Variants in RITA1 observed in about 807,000 individuals in gnomAD.
The protein encoded by RITA1 is RBPJ-interacting and tubulin-associated protein 1.
Under a neutral mutation model 8.7 loss-of-function variants are expected in RITA1, and 15 were observed. That is an observed-to-expected ratio of 1.72 (90% CI 1.15 to 2.65). RITA1 has a LOEUF of 2.65. RITA1 is among the 30% of genes most tolerant of loss of function. RITA1 has a pLI of 0.00. For missense variants in RITA1, 330 were observed against 363.8 expected (o/e 0.91, Z 0.76); for synonymous variants, 145 against 156.2 (o/e 0.93, Z 0.53).
intron 3 of RITA1, among the ~76,000 whole-genome samples, chr12:113,187,713 C>T (rs550414294): frequency 6.9e-5 from 10 of 143,996 alleles, no homozygotes; most frequent in African/African-American, 2.3e-4. Flanking sequence ...GCTGAGATCA[C>T]GCCTCTGCAC....
In RITA1 at chr12:113,186,147, A is replaced by T; in HGVS notation, c.-196-38A>T. ...TCCCGATAGCAGTGTAGCCAAGTAC[A>T]CAAGCTCTGGACTCAGATTTCACTT... On this transcript the variant is annotated intron_variant, in intron 1 of 3. Coordinates refer to ENST00000548278, the MANE Select transcript of RITA1 (RefSeq NM_032848.3). The T allele has an allele frequency of 4.2e-6, 6 of 1,438,994 alleles. No individual in the cohort carries two copies. In the South Asian group the frequency reaches 7.4e-5, roughly 18 times the overall value. 89.1% of individuals were successfully genotyped at this position (1,438,994 alleles called of 1,614,324 possible).
chr12:113,186,270 G>T lies in RITA1; in HGVS notation c.-111G>T, dbSNP rs1952535306. On this transcript the variant is annotated 5_prime_UTR_variant, in exon 2 of 4. Transcript: ENST00000548278. ...AAATTCGAAGCTACTTCACAGTGCT[G>T]TTGAGAGGATTAAATGAAACAATGC... 1.4e-6 allele frequency: 2 copies of T among 1,405,040 alleles called. No homozygotes were observed. Among genetic ancestry groups the T allele is most frequent in the South Asian group, 1.5e-5 (1 of 65,352 alleles). 87.0% of individuals were successfully genotyped at this position (1,405,040 alleles called of 1,614,324 possible).
Position 113,185,731 on chromosome 12 carries a change from G to GCT in RITA1, c.-486_-485dup. On this transcript the variant is annotated 5_prime_UTR_variant, in exon 1 of 4. Transcript: ENST00000548278. ...CCGGGCCGCGTCCGCAGTGCTGCTG[G>GCT]CTGCTCCCTGGTTGCTGGGTGCAAA... 1.7e-6 allele frequency: 1 copy of GCT among 574,524 alleles called. No individual in the cohort carries two copies. The highest frequency in any genetic ancestry group is 3.0e-6 in the Non-Finnish European group (1 of 331,718). The allele number at this position is 574,524 out of a possible 1,614,324, so 35.6% of individuals were successfully genotyped here.
rs1952543457 is a variant in RITA1, at chr12:113,186,843, T to C, written c.97T>C (p.Tyr33His). ...CTACCGGGTCAAGGCCAGGACGTCA[T>C]ATGTGGATGAGACTCTGTTTGGCAG... The part of the protein sequence containing the change: ...GGYRVKARTS[Y>H]VDETLFGSPA... The change falls in exon 3 of 4, where the codon TAT becomes CAT. Residue 33 changes from tyrosine to histidine, a missense_variant. Physicochemically the swap from Tyr to His is moderately conservative, Grantham distance 83 (BLOSUM62 2). Transcript: ENST00000548278. The C allele has an allele frequency of 1.9e-6, 3 of 1,613,892 alleles. No individual in the cohort carries two copies. Among genetic ancestry groups the C allele is most frequent in the African/African-American group, 2.7e-5 (2 of 74,916 alleles).
intron 3 of RITA1, among the ~76,000 whole-genome samples, chr12:113,190,365 A>T (rs1952587905): frequency 6.6e-6 from 1 of 151,878 alleles, no homozygotes; most frequent in Non-Finnish European, 1.5e-5. Context: ...AAGAAAAGAA[A>T]ATGGGCACGG....
chr12:113,186,034 C>A lies in RITA1; in HGVS notation c.-197+13C>A, dbSNP rs1490782446. 3 of 1,536,004 alleles carry A rather than the reference C, an allele frequency of 2.0e-6. No individual in the cohort carries two copies. Among genetic ancestry groups the A allele is most frequent in the Non-Finnish European group, 2.6e-6 (3 of 1,146,838 alleles). On this transcript the variant is annotated intron_variant, in intron 1 of 3. Transcript: ENST00000548278. ...CCAAGATGCTCAGGTAGGAGAACAA[C>A]CCAAAAATGCAGGGACCTCGGGCAC...
chr12:113,191,602 T>C lies in RITA1; in HGVS notation c.595T>C (p.Ser199Pro), dbSNP rs76765925. 7.4e-6 allele frequency: 12 copies of C among 1,614,078 alleles called. No homozygotes were observed. The highest frequency in any genetic ancestry group is 2.2e-5 in the East Asian group (1 of 44,874). ...TTCACGCCCCCTGAAGCGGGGACTT[T>C]CCCATTCCCTCACCCACCTGAATGT... ...HSSRPLKRGL[S>P]HSLTHLNVPS... Residue 199 changes from serine to proline, a missense_variant, in exon 4 of 4, where the codon TCC becomes CCC. Physicochemically the swap from Ser to Pro is moderately conservative, Grantham distance 74 (BLOSUM62 -1). Coordinates refer to ENST00000548278, the MANE Select transcript of RITA1 (RefSeq NM_032848.3). The surrounding 1 kb of genome is among the most constrained non-coding windows in gnomAD (Gnocchi z 4.0).
rs1358295713 is a variant in RITA1, at chr12:113,191,583, C to T, written c.576C>T (p.Arg192=). ...CTATGGGTGGGTTACACTCTTCACG[C>T]CCCCTGAAGCGGGGACTTTCCCATT... The part of the protein sequence containing the change: ...KLSMGGLHSS[R]PLKRGLSHSL... Residue 192 remains arginine, a synonymous_variant, in exon 4 of 4, where the codon CGC becomes CGT. Transcript: ENST00000548278. This position sits in a 1 kb window ranked among gnomAD's most constrained non-coding sequence, Gnocchi z 4.0. 1.2e-6 allele frequency: 2 copies of T among 1,614,112 alleles called. No homozygotes were observed. The highest frequency in any genetic ancestry group is 8.5e-7 in the Non-Finnish European group (1 of 1,180,002).
chr12:113,187,902 A>G (rs1952556030), intron 3 of RITA1, among the ~76,000 whole-genome samples: 1 of 152,250 alleles, frequency 6.6e-6, no homozygotes, highest in Non-Finnish European at 1.5e-5. Context: ...GATTAATATC[A>G]GCCTGGAGGG....
chr12:113,191,209 C>G lies in RITA1; in HGVS notation c.303-101C>G, dbSNP rs1952596647. 7.0e-7 allele frequency: 1 copy of G among 1,430,442 alleles called. No individual in the cohort carries two copies. 88.6% of individuals were successfully genotyped at this position (1,430,442 alleles called of 1,614,324 possible). A position where few individuals can be genotyped will look rare whatever the true frequency, so the allele number is the denominator to read the frequency against. On this transcript the variant is annotated intron_variant, in intron 3 of 3. Coordinates refer to ENST00000548278, the MANE Select transcript of RITA1 (RefSeq NM_032848.3). The surrounding 1 kb of genome is among the most constrained non-coding windows in gnomAD (Gnocchi z 4.0). ...AAGGACTCCTGGGATCTGCAGGCAA[C>G]CCTCCTCTGCTGCTGCCATCCCAGG...
chr12:113,186,003 T>C lies in RITA1; in HGVS notation c.-215T>C, dbSNP rs752575020. ...ACGGGTCCCTGAGGATCCCGATGCC[T>C]ACGAGCCAAGATGCTCAGGTAGGAG... On this transcript the variant is annotated 5_prime_UTR_variant, in exon 1 of 4. Coordinates refer to ENST00000548278, the MANE Select transcript of RITA1 (RefSeq NM_032848.3). The C allele has an allele frequency of 6.5e-7, 1 of 1,535,926 alleles. No homozygotes were observed. Among genetic ancestry groups the C allele is most frequent in the South Asian group, 1.2e-5 (1 of 84,058 alleles).
In RITA1 at chr12:113,191,337, T is replaced by C; in HGVS notation, c.330T>C (p.Cys110=). Residue 110 remains cysteine (C), a synonymous_variant, in exon 4 of 4, where the codon TGT becomes TGC. Coordinates refer to ENST00000548278, the MANE Select transcript of RITA1 (RefSeq NM_032848.3). The surrounding 1 kb of genome is among the most constrained non-coding windows in gnomAD (Gnocchi z 4.0). ...CCATCAGCCACACCCCGTCTTACTGTGATGAGTCGCTGTTTGGCTCCCGAT... is the reference window on the plus strand; with the variant it reads ...CCATCAGCCACACCCCGTCTTACTGCGATGAGTCGCTGTTTGGCTCCCGAT... ...YRPISHTPSY[C]DESLFGSRSE... is the part of the protein sequence containing the mutation. 6.4e-7 allele frequency: 1 copy of C among 1,558,918 alleles called. No individual in the cohort carries two copies. The highest frequency in any genetic ancestry group is 8.7e-7 in the Non-Finnish European group (1 of 1,151,110).
rs1952616234 is a variant in RITA1, at chr12:113,192,093, C to T, written c.*276C>T. 1 of 411,248 alleles carries T rather than the reference C, an allele frequency of 2.4e-6. No homozygotes were observed. Among genetic ancestry groups the T allele is most frequent in the Admixed American group, 4.2e-5 (1 of 23,916 alleles). The allele number at this position is 411,248 out of a possible 1,614,324, so 25.5% of individuals were successfully genotyped here. Reference sequence around the variant, plus strand: ...TCCAAATTAGTGCCAACCCAGGGGCCTGGCACCTCCCACATCATCCATTGT... The same window carrying T: ...TCCAAATTAGTGCCAACCCAGGGGCTTGGCACCTCCCACATCATCCATTGT... On this transcript the variant is annotated 3_prime_UTR_variant, in exon 4 of 4. Coordinates refer to ENST00000548278, the MANE Select transcript of RITA1 (RefSeq NM_032848.3).
Position 113,186,222 on chromosome 12 carries a change from G to A in RITA1, c.-159G>A. 1 of 1,371,102 alleles carries A rather than the reference G, an allele frequency of 7.3e-7. No homozygotes were observed. Among genetic ancestry groups the A allele is most frequent in the Non-Finnish European group, 9.6e-7 (1 of 1,037,086 alleles). The allele number at this position is 1,371,102 out of a possible 1,614,324, so 84.9% of individuals were successfully genotyped here. ...GACCTACACATGTGACTTCACCTCAGTTTTGTGATCCGTAAAATGGACAAA... is the reference window on the plus strand; with the variant it reads ...GACCTACACATGTGACTTCACCTCAATTTTGTGATCCGTAAAATGGACAAA... On this transcript the variant is annotated 5_prime_UTR_variant, in exon 2 of 4. Coordinates refer to ENST00000548278, the MANE Select transcript of RITA1 (RefSeq NM_032848.3).
At position 113,191,885 on chromosome 12, in the gene RITA1, C is replaced by T; in HGVS notation, c.*68C>T. On this transcript the variant is annotated 3_prime_UTR_variant, in exon 4 of 4. Coordinates refer to ENST00000548278, the MANE Select transcript of RITA1 (RefSeq NM_032848.3). The surrounding 1 kb of genome is among the most constrained non-coding windows in gnomAD (Gnocchi z 4.0). Reference sequence around the variant, plus strand: ...ATGGCCCCTTGCCAGGGTAGGAGGACATTCATCACCCAGGGAACCCCAGGT... The same window carrying T: ...ATGGCCCCTTGCCAGGGTAGGAGGATATTCATCACCCAGGGAACCCCAGGT... 1.3e-6 allele frequency: 2 copies of T among 1,510,568 alleles called. No individual in the cohort carries two copies. The highest frequency in any genetic ancestry group is 1.8e-6 in the Non-Finnish European group (2 of 1,128,072). 93.6% of individuals were successfully genotyped at this position (1,510,568 alleles called of 1,614,324 possible).
chr12:113,186,855 ACT>A lies in RITA1; in HGVS notation c.112_113del (p.Leu38ValfsTer23), dbSNP rs780135156. The A allele has an allele frequency of 5.5e-5, 89 of 1,613,818 alleles. No individual in the cohort carries two copies. The East Asian group carries it at 1.3e-3, about 24-fold the overall frequency. On this transcript the variant is annotated frameshift_variant, in exon 3 of 4. Transcript: ENST00000548278. LOFTEE classifies it high-confidence loss of function. ...VKARTSYVDE[T>X]LFGSPAGTRP... ...GGCCAGGACGTCATATGTGGATGAG[ACT>A]CTGTTTGGCAGCCCAGCAGGCACCC...
In RITA1 at chr12:113,191,898, G is replaced by A; in HGVS notation, c.*81G>A. On this transcript the variant is annotated 3_prime_UTR_variant, in exon 4 of 4. Transcript: ENST00000548278. This position sits in a 1 kb window ranked among gnomAD's most constrained non-coding sequence, Gnocchi z 4.0. ...AGGGTAGGAGGACATTCATCACCCA[G>A]GGAACCCCAGGTATTAAAGAAGCCC... is the stretch of plus-strand genomic sequence containing the variant. 1 of 1,497,470 alleles carries A rather than the reference G, an allele frequency of 6.7e-7. No homozygotes were observed. Among genetic ancestry groups the A allele is most frequent in the Non-Finnish European group, 8.9e-7 (1 of 1,118,730 alleles). 92.8% of individuals were successfully genotyped at this position (1,497,470 alleles called of 1,614,324 possible).
chr12:113,191,482 G>A lies in RITA1; in HGVS notation c.475G>A (p.Ala159Thr). The A allele has an allele frequency of 6.2e-7, 1 of 1,604,616 alleles. No homozygotes were observed. Among genetic ancestry groups the A allele is most frequent in the East Asian group, 2.2e-5 (1 of 44,614 alleles). ...TAGCCACTCGCCCCGCCCCAGGGAGGCACCACTGCGAGCCATTCACCCAGC... is the reference window on the plus strand; with the variant it reads ...TAGCCACTCGCCCCGCCCCAGGGAGACACCACTGCGAGCCATTCACCCAGC... The part of the protein sequence containing the change: ...RGSHSPRPRE[A>T]PLRAIHPAGP... The change falls in exon 4 of 4, where the codon GCA becomes ACA. Residue 159 changes from alanine (A) to threonine (T), a missense_variant. Transcript: ENST00000548278. The surrounding 1 kb of genome is among the most constrained non-coding windows in gnomAD (Gnocchi z 4.0).
In RITA1 at chr12:113,186,914, G is replaced by A; in HGVS notation, c.168G>A (p.Trp56Ter). Reference sequence around the variant, plus strand: ...CCCCACCGGACTTCGATCCGCCCTGGGTGGAGAAGGCTAACAGAACCAGAG... The same window carrying A: ...CCCCACCGGACTTCGATCCGCCCTGAGTGGAGAAGGCTAACAGAACCAGAG... ...RPTPPDFDPP[W>*]VEKANRTRGV... The change falls in exon 3 of 4, where the codon TGG (tryptophan) becomes TGA (stop). Residue 56 changes from tryptophan (W) to a stop codon, truncating the protein, a stop_gained. Transcript: ENST00000548278. LOFTEE classifies it high-confidence loss of function. 1.2e-6 allele frequency: 2 copies of A among 1,614,146 alleles called. No homozygotes were observed. The highest frequency in any genetic ancestry group is 1.7e-6 in the Non-Finnish European group (2 of 1,180,018).
Sources: gnomAD v4.1 joint callset for allele counts (sites outside exome capture counted in the v4.1 genomes callset) on GRCh38, gnomAD v4.1.1 for gene constraint, Gnocchi (gnomAD v3.1) non-coding constraint, MANE v1.5 for transcripts, NCBI Gene and HGNC (gene_info 2026-07-23, HGNC 2026-07-21) for gene names.